Variants in NOX4 observed in about 807,000 individuals in gnomAD.
The protein encoded by NOX4 is NADPH oxidase 4, also known as kidney oxidase-1.
In NOX4, 69 loss-of-function variants were observed where a neutral mutation model predicts 87.6. The observed-to-expected ratio is 0.79, with a 90% CI of 0.65 to 0.96. The LOEUF is 0.96. Among genes scored for constraint, NOX4 ranks in the 40% least tolerant of loss-of-function variants. The pLI, the probability that NOX4 is intolerant of heterozygous loss-of-function variation, is 0.00. For missense variants in NOX4, 680 were observed against 681.5 expected (o/e 1.00, Z 0.02); for synonymous variants, 275 against 238.2 (o/e 1.15, Z -1.42).
chr11:89,371,940 A>G (rs1284492484), intron 12 of NOX4, among the ~76,000 whole-genome samples: 10 of 151,818 alleles, frequency 6.6e-5, no homozygotes, highest in Non-Finnish European at 1.3e-4. Flanking sequence ...TAAGTCTCCA[A>G]TTCCAAGCTG....
intron 12 of NOX4, among the ~76,000 whole-genome samples, chr11:89,359,189 A>G (rs1319001623): frequency 6.6e-6 from 1 of 152,100 alleles, no homozygotes; most frequent in Non-Finnish European, 1.5e-5. Context: ...AATATACTTA[A>G]TTATTTGAAA....
chr11:89,431,296 C>T (rs1943766902), intron 7 of NOX4, among the ~76,000 whole-genome samples: 2 of 152,234 alleles, frequency 1.3e-5, no homozygotes, highest in South Asian at 2.1e-4. Context: ...TACACATGAG[C>T]AAGGACTTCA....
At chr11:89,509,339 A>G in the NOX4 span, among the ~76,000 whole-genome samples, 1 of 152,070 alleles carries the variant, frequency 6.6e-6, no homozygotes, top group Admixed American at 6.6e-5. Flanking sequence ...CAAAAGGGCA[A>G]TGTCATATAC....
chr11:89,352,077 T>G (rs573300758), intron 13 of NOX4, among the ~76,000 whole-genome samples: 25 of 152,114 alleles, frequency 1.6e-4, no homozygotes, highest in African/African-American at 5.8e-4. Flanking sequence ...GGATGTAGAG[T>G]ATGGAATGAT....
At chr11:89,425,869 A>G (rs1943368931) in intron 7 of NOX4, among the ~76,000 whole-genome samples, 2 of 152,154 alleles carry the variant, frequency 1.3e-5, no homozygotes, top group South Asian at 2.1e-4. Context: ...ACATATATAT[A>G]TATCTGTGTT....
chr11:89,365,076 A>G (rs1320507484), intron 12 of NOX4, among the ~76,000 whole-genome samples: 1 of 152,050 alleles, frequency 6.6e-6, no homozygotes, highest in East Asian at 1.9e-4. Flanking sequence ...CTTCTTGCCT[A>G]AGGATTACAG....
At chr11:89,536,270 C>A in the NOX4 span, among the ~76,000 whole-genome samples, 1 of 150,568 alleles carries the variant, frequency 6.6e-6, no homozygotes, top group Admixed American at 6.7e-5. Flanking sequence ...CCTCAGTCTT[C>A]CGAGTAGCTG....
At chr11:89,432,318 A>T (rs142650832) in intron 7 of NOX4, among the ~76,000 whole-genome samples, 5,437 of 151,974 alleles carry the variant, frequency 0.036, 321 homozygotes, top group African/African-American at 0.12. Context: ...CCTGCACATT[A>T]TGCACATGTA....
the NOX4 span, among the ~76,000 whole-genome samples, chr11:89,520,967 G>C: frequency 2.6e-5 from 4 of 151,866 alleles, no homozygotes; most frequent in Non-Finnish European, 4.4e-5. Flanking sequence ...AAAATACCTA[G>C]GAATACGTCT....
chr11:89,432,841 CCT>C lies in NOX4; in HGVS notation c.489_490del (p.Val165LeufsTer21). ...GAATAGCACCACCACCATGCAGACC[CCT>C]GTCAGGCCAGGAACTATAAAAATGT... On this transcript the variant is annotated frameshift_variant, in exon 7 of 18. Coordinates refer to ENST00000263317, the MANE Select transcript of NOX4 (RefSeq NM_016931.5). LOFTEE classifies it high-confidence loss of function. 6.2e-7 allele frequency: 1 copy of C among 1,610,468 alleles called. No homozygotes were observed. Among genetic ancestry groups the C allele is most frequent in the Non-Finnish European group, 8.5e-7 (1 of 1,177,476 alleles).
At chr11:89,569,915 T>C in the NOX4 span, among the ~76,000 whole-genome samples, 1 of 148,352 alleles carries the variant, frequency 6.7e-6, no homozygotes, top group Non-Finnish European at 1.5e-5. Flanking sequence ...GGCAGGAGAA[T>C]GGCACGAACC....
the NOX4 span, among the ~76,000 whole-genome samples, chr11:89,551,506 G>A: frequency 3.3e-5 from 5 of 152,252 alleles, no homozygotes; most frequent in African/African-American, 1.2e-4. Flanking sequence ...TCTCCTTGAA[G>A]AGGTCCTTCA....
intron 14 of NOX4, among the ~76,000 whole-genome samples, chr11:89,340,452 GTA>G (rs1945935569): frequency 6.6e-6 from 1 of 152,102 alleles, no homozygotes; most frequent in Non-Finnish European, 1.5e-5. Flanking sequence ...ATATTCACAA[GTA>G]TGCATATCAT....
chr11:89,551,495 T>A, the NOX4 span, among the ~76,000 whole-genome samples: 1 of 152,220 alleles, frequency 6.6e-6, no homozygotes, highest in Non-Finnish European at 1.5e-5. Flanking sequence ...TGGTTTGTAG[T>A]TCTCCTTGAA....
intron 11 of NOX4, among the ~76,000 whole-genome samples, chr11:89,396,122 C>A (rs748355792): frequency 6.6e-6 from 1 of 152,104 alleles, no homozygotes; most frequent in Non-Finnish European, 1.5e-5. Context: ...GATATTGATT[C>A]TTCCTGTCCA....
rs755699599 is a variant in NOX4, at chr11:89,451,828, G to C, written c.221C>G (p.Pro74Arg). The C allele has an allele frequency of 6.2e-7, 1 of 1,613,378 alleles. No individual in the cohort carries two copies. The highest frequency in any genetic ancestry group is 8.5e-7 in the Non-Finnish European group (1 of 1,179,516). The change falls in exon 3 of 18, where the codon CCC (proline) becomes CGC (arginine). Residue 74 changes from proline to arginine, a missense_variant. By Grantham distance (103) the Pro-to-Arg change is moderately radical. Coordinates refer to ENST00000263317, the MANE Select transcript of NOX4 (RefSeq NM_016931.5). ...LNLNCSLILL[P>R]MCRTLLAYLR... ...GTAAGCCAAGAGTGTTCGGCACATG[G>C]GTAAAAGGATAAGGCTGCAGTTGAG...
chr11:89,425,961 T>C (rs77912543), intron 7 of NOX4, among the ~76,000 whole-genome samples: 1,854 of 152,262 alleles, frequency 0.012, 36 homozygotes, highest in African/African-American at 0.042. Flanking sequence ...ATTCCTTTTT[T>C]TGCTTTCTTT....
chr11:89,517,272 G>A, the NOX4 span, among the ~76,000 whole-genome samples: 1 of 151,958 alleles, frequency 6.6e-6, no homozygotes, highest in Non-Finnish European at 1.5e-5. Flanking sequence ...AATGTAAAAT[G>A]TCCTGCTATA....
the NOX4 span, among the ~76,000 whole-genome samples, chr11:89,534,539 T>C: frequency 2.6e-5 from 4 of 152,192 alleles, no homozygotes; most frequent in Non-Finnish European, 5.9e-5. Flanking sequence ...CAGAATCGTG[T>C]TTTGTCCCAT....
Sources: gnomAD v4.1 joint callset for allele counts (sites outside exome capture counted in the v4.1 genomes callset) on GRCh38, gnomAD v4.1.1 for gene constraint, MANE v1.5 for transcripts, NCBI Gene and HGNC (gene_info 2026-07-23, HGNC 2026-07-21) for gene names.